Variants in GIGYF2 observed in about 807,000 individuals in gnomAD.
The protein encoded by GIGYF2 is GRB10-interacting GYF protein 2.
A neutral mutation model predicts 208.1 loss-of-function variants in GIGYF2; 25 were observed. The ratio of observed to expected loss-of-function variants is 0.12; its 90% CI spans 0.09 to 0.17. The LOEUF is 0.17. Among genes scored for constraint, GIGYF2 ranks in the 10% least tolerant of loss-of-function variants. GIGYF2 has a pLI of 1.00. For missense variants in GIGYF2, 1,302 were observed against 1,579.4 expected, an observed-to-expected ratio of 0.82 and a Z score of 2.98; for synonymous variants, 534 against 543.8, an observed-to-expected ratio of 0.98 and a Z score of 0.25.
At chr2:232,790,571 T>C in intron 9 of GIGYF2, 127 bp from the exon 10 acceptor site, 1 of 808,758 alleles carries the variant, frequency 1.2e-6, no homozygotes, top group Non-Finnish European at 2.2e-6. Context: ...AATGTTCTCT[T>C]TACTAGGTCA....
chr2:232,829,553 A>T (rs776301138), intron 21 of GIGYF2, among the ~76,000 whole-genome samples: 2 of 152,344 alleles, frequency 1.3e-5, no homozygotes, highest in South Asian at 4.1e-4. Flanking sequence ...AGAAATCTCT[A>T]ATCTCAGTTA....
intron 5 of GIGYF2, among the ~76,000 whole-genome samples, chr2:232,755,533 C>T (rs1698501776): frequency 6.6e-6 from 1 of 152,146 alleles, no homozygotes. Flanking sequence ...ACAGACATAC[C>T]AAAGGTGCAC....
At chr2:232,841,490 T>A in intron 23 of GIGYF2, among the ~76,000 whole-genome samples, 1 of 149,542 alleles carries the variant, frequency 6.7e-6, no homozygotes, top group Non-Finnish European at 1.5e-5. Context: ...TTTTTAAGTA[T>A]TTTTAGTAGA....
rs1701789633 is a variant in GIGYF2 at position 232,840,724 on chromosome 2, TG to T, written c.2889+756del. Among the ~76,000 whole-genome samples the T allele has an allele frequency of 2.0e-5, 3 of 151,972 alleles. No individual in the cohort carries two copies. The South Asian group carries it at 6.2e-4, about 32-fold the overall frequency. On this transcript the variant is annotated intron_variant, in intron 23 of 28. Transcript: ENST00000373563. ...GTGTCAGAGAGGTAACAAGGGAAGGTGGGTAGGGAGAGTGTTGGGAGTCAGG... is the reference window on the plus strand; with the variant it reads ...GTGTCAGAGAGGTAACAAGGGAAGGTGGTAGGGAGAGTGTTGGGAGTCAGG...
chr2:232,787,622 A>T (rs1042551721), intron 9 of GIGYF2, among the ~76,000 whole-genome samples: 2 of 152,162 alleles, frequency 1.3e-5, no homozygotes, highest in Non-Finnish European at 2.9e-5. Flanking sequence ...TCTACCTCTA[A>T]ATCTCTGAAT....
chr2:232,807,927 C>T (rs1427332591), intron 15 of GIGYF2, among the ~76,000 whole-genome samples: 1 of 152,210 alleles, frequency 6.6e-6, no homozygotes, highest in Non-Finnish European at 1.5e-5. Context: ...TTGACTTATT[C>T]ATCAATTGTA....
intron 16 of GIGYF2, chr2:232,810,913 A>G (rs1489221187): frequency 1.9e-5 from 5 of 264,892 alleles, no homozygotes; most frequent in South Asian, 1.3e-4. Flanking sequence ...TTGATTTCTG[A>G]TAAAAGGTTA....
Position 232,812,423 on chromosome 2 carries a change from C to A in GIGYF2, c.2039C>A (p.Thr680Asn). 1 of 1,516,592 alleles carries A rather than the reference C, an allele frequency of 6.6e-7. No individual in the cohort carries two copies. Among genetic ancestry groups the A allele is most frequent in the Non-Finnish European group, 9.2e-7 (1 of 1,091,666 alleles). The allele number at this position is 1,516,592 out of a possible 1,614,324, so 93.9% of individuals were successfully genotyped here. ...ISDQNIIPSVTRSVSVPDTGS... is the reference protein window; with the variant it reads ...ISDQNIIPSVNRSVSVPDTGS... ...GATCAGAACATCATTCCCTCAGTAA[C>A]TAGGTCTGTGTCCGTGCCAGATACT... The change falls in exon 18 of 29, where the codon ACT becomes AAT. Residue 680 changes from threonine to asparagine, a missense_variant. By Grantham distance (65) the Thr-to-Asn change is moderately conservative (BLOSUM62 0). Around this residue, in one of 8 missense-constraint regions of GIGYF2, gnomAD observed 701 missense variants for 793.0 expected, o/e 0.88. Coordinates refer to ENST00000373563, the MANE Select transcript of GIGYF2 (RefSeq NM_001103146.3).
intron 1 of GIGYF2, among the ~76,000 whole-genome samples, chr2:232,702,697 C>A (rs1695909352): frequency 1.3e-5 from 2 of 152,206 alleles, no homozygotes; most frequent in African/African-American, 4.8e-5. Context: ...ACACTTGGAG[C>A]TTTGCTCCCT....
At chr2:232,833,695 C>T in intron 22 of GIGYF2, among the ~76,000 whole-genome samples, 3 of 152,264 alleles carry the variant, frequency 2.0e-5, no homozygotes, top group Middle Eastern at 3.4e-3. Flanking sequence ...CTGAGACAAA[C>T]ATAAATGAGA....
intron 8 of GIGYF2, among the ~76,000 whole-genome samples, chr2:232,782,432 T>A (rs1372537549): frequency 2.0e-5 from 3 of 152,192 alleles, no homozygotes; most frequent in Non-Finnish European, 4.4e-5. Flanking sequence ...GACCTGGCAG[T>A]TTTGATGCTA....
chr2:232,730,456 T>G (rs1328477443), intron 2 of GIGYF2, among the ~76,000 whole-genome samples: 1 of 147,968 alleles, frequency 6.8e-6, no homozygotes, highest in African/African-American at 2.5e-5. Context: ...AATACAACAA[T>G]TAGCTGGGTG....
In GIGYF2 at chr2:232,791,426, A is replaced by C. The variant is rs115735611; in HGVS notation, c.1262A>C (p.Lys421Thr). 2 of 1,613,942 alleles carry C rather than the reference A, an allele frequency of 1.2e-6. No homozygotes were observed. The highest frequency in any genetic ancestry group is 2.2e-5 in the East Asian group (1 of 44,830). ...ETRMENSLPA[K>T]VPSRGDEMVA... ...CGGATGGAAAATAGTCTACCAGCCAAAGTGCCCAGCAGAGGGGATGGTATG... is the reference window on the plus strand; with the variant it reads ...CGGATGGAAAATAGTCTACCAGCCACAGTGCCCAGCAGAGGGGATGGTATG... The change falls in exon 12 of 29, where the codon AAA becomes ACA. Residue 421 changes from lysine to threonine, a missense_variant. Physicochemically the swap from Lys to Thr is moderately conservative, Grantham distance 78 (BLOSUM62 -1). Transcript: ENST00000373563.
intron 16 of GIGYF2, 58 bp downstream of exon 16, chr2:232,809,869 T>A: frequency 1.0e-6 from 1 of 978,064 alleles, no homozygotes; most frequent in Non-Finnish European, 1.7e-6. Flanking sequence ...TTAAATAGAA[T>A]CTGCTCTCAA....
At chr2:232,812,717 C>T (rs1306232484) in intron 18 of GIGYF2, among the ~76,000 whole-genome samples, 1 of 151,844 alleles carries the variant, frequency 6.6e-6, no homozygotes, top group Admixed American at 6.6e-5. Context: ...TTTGAGTCAG[C>T]ATCTCTTTTA....
chr2:232,819,885 A>C lies in GIGYF2; in HGVS notation c.2429A>C (p.Glu810Ala). 1.3e-6 allele frequency: 2 copies of C among 1,597,940 alleles called. No individual in the cohort carries two copies. Among genetic ancestry groups the C allele is most frequent in the Non-Finnish European group, 1.7e-6 (2 of 1,169,152 alleles). ...ATTGCATTAAGGCGACAGCGAGAAG[A>C]GGAAGAAAGACAGCAGCAAGAAGAA... ...QEIALRRQRE[E>A]EERQQQEEAL... The change falls in exon 21 of 29, where the codon GAG becomes GCG. Residue 810 changes from glutamate to alanine, a missense_variant. Transcript: ENST00000373563.
intron 14 of GIGYF2, among the ~76,000 whole-genome samples, chr2:232,798,870 A>AAATATAT (rs1681307528): frequency 6.6e-6 from 1 of 151,254 alleles, no homozygotes; most frequent in African/African-American, 2.4e-5. Context: ...TATATGGTTC[A>AAATATAT]GTGGTATTAA....
At chr2:232,739,963 C>T (rs1431793948) in intron 3 of GIGYF2, among the ~76,000 whole-genome samples, 1 of 100,864 alleles carries the variant, frequency 9.9e-6, no homozygotes, top group Non-Finnish European at 2.2e-5. Flanking sequence ...AAAAAAATTA[C>T]AAAAATTAGC....
chr2:232,712,499 T>C (rs1675261151), intron 2 of GIGYF2, among the ~76,000 whole-genome samples: 1 of 152,216 alleles, frequency 6.6e-6, no homozygotes. Context: ...GTGAAGAATA[T>C]AGTGACTGCT....
Sources: allele counts gnomAD v4.1 joint callset (sites outside exome capture counted in the v4.1 genomes callset), GRCh38; gene constraint gnomAD v4.1.1; regional missense constraint gnomAD v4.1.1; transcripts MANE v1.5; gene names NCBI Gene and HGNC (gene_info 2026-07-23, HGNC 2026-07-21).